CCNB2: variants seen among roughly 807,000 people sequenced by gnomAD.
CCNB2 encodes the protein cyclin B2.
In CCNB2, 39 loss-of-function variants were observed where a neutral mutation model predicts 51.1. The ratio of observed to expected loss-of-function variants is 0.76; its 90% CI spans 0.59 to 1.00. The LOEUF (loss-of-function observed/expected upper bound fraction) is 1.00. Among genes scored for constraint, CCNB2 ranks in the 50% least tolerant of loss-of-function variants. The pLI is 0.00. For missense variants in CCNB2, 472 were observed against 470.3 expected, an observed-to-expected ratio of 1.00 and a Z score of -0.03; for synonymous variants, 174 against 165.5, an observed-to-expected ratio of 1.05 and a Z score of -0.40.
chr15:59,107,926 G>C (rs1424516320), intron 3 of CCNB2, among the ~76,000 whole-genome samples: 1 of 152,014 alleles, frequency 6.6e-6, no homozygotes, highest in Admixed American at 6.6e-5. Context: ...CTGAGGCCAG[G>C]AATTCAAGGC....
chr15:59,121,788 T>G (rs1220318189), intron 7 of CCNB2, among the ~76,000 whole-genome samples: 1 of 151,704 alleles, frequency 6.6e-6, no homozygotes, highest in Non-Finnish European at 1.5e-5. Context: ...AAAAATTAGC[T>G]GGGCGTGGTG....
rs1246864430 is a variant in CCNB2 at position 59,119,834 on chromosome 15, C to T, written c.975+2466C>T. Among the ~76,000 whole-genome samples, 3 of 152,134 alleles carry T rather than the reference C, an allele frequency of 2.0e-5. No individual in the cohort carries two copies. In the East Asian group the frequency reaches 5.8e-4, roughly 29 times the overall value. On this transcript the variant is annotated intron_variant, in intron 7 of 8. Transcript: ENST00000288207. ...GTGATCCTCCCACTTCAGCCTCCCA[C>T]GTAACTGGGACCCAGCCACACGCCA... is the stretch of plus-strand genomic sequence containing the variant.
chr15:59,107,671 G>A lies in CCNB2; in HGVS notation c.267+1G>A. 1 of 1,611,706 alleles carries A rather than the reference G, an allele frequency of 6.2e-7. No homozygotes were observed. The highest frequency in any genetic ancestry group is 8.5e-7 in the Non-Finnish European group (1 of 1,178,316). On this transcript the variant is annotated splice_donor_variant, in intron 3 of 8. Coordinates refer to ENST00000288207, the MANE Select transcript of CCNB2 (RefSeq NM_004701.4). LOFTEE classifies it high-confidence loss of function. ...ACAGATGGAAAAGTTGGCTCCAAAG[G>A]TAGGAAGTTCTGAATTTACAAACGT...
intron 3 of CCNB2, among the ~76,000 whole-genome samples, chr15:59,108,114 G>C (rs189933253): frequency 1.2e-3 from 177 of 152,330 alleles, no homozygotes; most frequent in Middle Eastern, 6.8e-3. Flanking sequence ...TTTAGGGGTA[G>C]AGAGAAGATG....
chr15:59,121,931 CAAAA>C (rs3052992), intron 7 of CCNB2, among the ~76,000 whole-genome samples: 94 of 14,080 alleles, frequency 6.7e-3, no homozygotes, highest in African/African-American at 0.016. Flanking sequence ...GACTCTGTCT[CAAAA>C]AAAAAAAAAA....
rs894213106 is a variant in CCNB2, at chr15:59,125,007, T to G, written c.*130T>G. 3.4e-4 allele frequency: 175 copies of G among 512,734 alleles called. No individual in the cohort carries two copies. The highest frequency in any genetic ancestry group is 9.3e-5 in the Non-Finnish European group (27 of 291,514). 31.8% of individuals were successfully genotyped at this position (512,734 alleles called of 1,614,324 possible). On this transcript the variant is annotated 3_prime_UTR_variant, in exon 9 of 9. Coordinates refer to ENST00000288207, the MANE Select transcript of CCNB2 (RefSeq NM_004701.4). ...TTCTCAGACCAGTTTTCTAAACATATATTGAGGAAAAATAAAGCGATTGGT... is the reference window on the plus strand; with the variant it reads ...TTCTCAGACCAGTTTTCTAAACATAGATTGAGGAAAAATAAAGCGATTGGT...
At chr15:59,109,090 G>T (rs577315498) in intron 3 of CCNB2, among the ~76,000 whole-genome samples, 5 of 152,182 alleles carry the variant, frequency 3.3e-5, no homozygotes, top group South Asian at 4.1e-4. Context: ...TTGCTCTGTC[G>T]CCCAGGCTGC....
At chr15:59,123,168 G>A (rs1299983343) in intron 7 of CCNB2, among the ~76,000 whole-genome samples, 1 of 152,220 alleles carries the variant, frequency 6.6e-6, no homozygotes, top group African/African-American at 2.4e-5. Context: ...GATGTGGCCA[G>A]CACTGTAAAG....
intron 5 of CCNB2, chr15:59,116,056 T>C (rs1377545953): frequency 6.6e-6 from 1 of 151,716 alleles, no homozygotes; most frequent in Non-Finnish European, 1.5e-5. Context: ...ATAATGAGAG[T>C]TGAAGCAAGA....
intron 7 of CCNB2, 61 bp from the exon 8 acceptor site, chr15:59,123,456 A>T: frequency 1.1e-6 from 1 of 921,184 alleles, no homozygotes; most frequent in South Asian, 1.4e-5. Flanking sequence ...GTTCTTCTAA[A>T]GAAGCAGAGG....
chr15:59,121,034 G>A (rs568686915), intron 7 of CCNB2: 6 of 139,004 alleles, frequency 4.3e-5, no homozygotes, highest in African/African-American at 1.3e-4. Context: ...CTGCCTCGAT[G>A]CTTAAAAAAA....
intron 7 of CCNB2, among the ~76,000 whole-genome samples, chr15:59,123,279 T>C (rs1484207395): frequency 1.3e-5 from 2 of 152,206 alleles, no homozygotes; most frequent in African/African-American, 4.8e-5. Context: ...TATGGGACCT[T>C]TGGCACTTGA....
At chr15:59,115,797 C>T (rs1417136552) in intron 5 of CCNB2, 2 of 152,136 alleles carry the variant, frequency 1.3e-5, no homozygotes, top group Non-Finnish European at 2.9e-5. Flanking sequence ...GTGACACAAT[C>T]TGGGCTCACT....
At chr15:59,118,653 C>G (rs927053306) in intron 7 of CCNB2, among the ~76,000 whole-genome samples, 1 of 152,228 alleles carries the variant, frequency 6.6e-6, no homozygotes, top group Non-Finnish European at 1.5e-5. Flanking sequence ...TACTGCACTC[C>G]AGCCTGGCGG....
At chr15:59,111,379 A>G (rs375904947) in intron 3 of CCNB2, among the ~76,000 whole-genome samples, 3 of 152,248 alleles carry the variant, frequency 2.0e-5, no homozygotes, top group African/African-American at 7.2e-5. Context: ...ACTTCTGAAT[A>G]GGAGCCAGAA....
intron 7 of CCNB2, among the ~76,000 whole-genome samples, chr15:59,123,106 T>C (rs1352361772): frequency 2.0e-5 from 3 of 152,260 alleles, no homozygotes; most frequent in African/African-American, 7.2e-5. Context: ...GTTTGGGCTC[T>C]TGAGCTCATA....
chr15:59,116,229 T>C (rs1336683809), intron 5 of CCNB2: 1 of 156,360 alleles, frequency 6.4e-6, no homozygotes, highest in Non-Finnish European at 1.4e-5. Flanking sequence ...CATTAAATTC[T>C]CACTTTTTTC....
At chr15:59,124,596 A>G in intron 8 of CCNB2, 171 bp from the exon 9 acceptor site, 1 of 608,388 alleles carries the variant, frequency 1.6e-6, no homozygotes, top group Non-Finnish European at 2.9e-6. Context: ...GGATGGAAGG[A>G]AATGGTCAGG....
chr15:59,119,166 A>C (rs1161583205), intron 7 of CCNB2, among the ~76,000 whole-genome samples: 1 of 152,206 alleles, frequency 6.6e-6, no homozygotes, highest in Non-Finnish European at 1.5e-5. Context: ...TGCAAACTTT[A>C]AATTGTAATT....
Sources: allele counts gnomAD v4.1 joint callset (sites outside exome capture counted in the v4.1 genomes callset), GRCh38; gene constraint gnomAD v4.1.1; transcripts MANE v1.5; gene names NCBI Gene and HGNC (gene_info 2026-07-23, HGNC 2026-07-21).